Variants in DLG2 observed in about 807,000 individuals in gnomAD.
The protein encoded by DLG2 is discs large MAGUK scaffold protein 2, also known as disks large homolog 2.
A neutral mutation model predicts 132.5 loss-of-function variants in DLG2; 45 were observed. The observed-to-expected ratio is 0.34, with a 90% CI of 0.27 to 0.44. DLG2 has a LOEUF of 0.44. Ranked by LOEUF, DLG2 falls within the 20% of genes least tolerant of loss-of-function variation. The pLI is 1.00. For synonymous variants in DLG2, 424 were observed against 419.6 expected (o/e 1.01, Z -0.13); for missense variants, 1,045 against 1,196.9 (o/e 0.87, Z 1.87).
intron 3 of DLG2, among the ~76,000 whole-genome samples, chr11:85,298,928 CA>C (rs1053589308): frequency 1.3e-5 from 2 of 151,332 alleles, no homozygotes; most frequent in Non-Finnish European, 3.0e-5. Context: ...GAGATTATTT[CA>C]AAAAAAATTT....
chr11:85,092,243 A>T (rs2068907209), intron 6 of DLG2, among the ~76,000 whole-genome samples: 1 of 152,164 alleles, frequency 6.6e-6, no homozygotes. Flanking sequence ...CAGATTACAA[A>T]AGTGGGCTTA....
chr11:85,357,565 T>G (rs962419633), intron 3 of DLG2, among the ~76,000 whole-genome samples: 1 of 141,172 alleles, frequency 7.1e-6, no homozygotes, highest in Non-Finnish European at 1.5e-5. Context: ...TGATCTAGTT[T>G]GCTGGCTTCC....
Position 85,538,065 on chromosome 11 carries a change from G to A in DLG2, c.40+60592C>T, listed in dbSNP as rs182229175. Among the ~76,000 whole-genome samples the A allele has an allele frequency of 1.4e-3, 207 of 151,982 alleles. 6 individuals are homozygous for A. Among genetic ancestry groups the A allele is most frequent in the African/African-American group, 4.7e-3 (195 of 41,266 alleles). On this transcript the variant is annotated intron_variant, in intron 3 of 27. Coordinates refer to ENST00000376104, the MANE Select transcript of DLG2 (RefSeq NM_001142699.3). ...CAGGAGGTGGAGCTTCCAGTGAGCC[G>A]AGATCGCGCCACTGCACTCCAGCCT...
chr11:84,752,903 A>G lies in DLG2; in HGVS notation c.358-218172T>C, dbSNP rs983390627. On this transcript the variant is annotated intron_variant, in intron 6 of 27. Coordinates refer to ENST00000376104, the MANE Select transcript of DLG2 (RefSeq NM_001142699.3). The stretch of plus-strand genomic sequence containing the variant: ...TCCCTACAAAGGACCTGAACTCATC[A>G]TTTTTTATGGCTGCATAGTATTCCA... 6.6e-5 allele frequency among the ~76,000 whole-genome samples: 10 copies of G among 151,350 alleles called. No homozygotes were observed. The South Asian group carries it at 2.1e-3, about 32-fold the overall frequency.
chr11:85,596,002 AAAT>A (rs2079729320), intron 3 of DLG2, among the ~76,000 whole-genome samples: 1 of 152,098 alleles, frequency 6.6e-6, no homozygotes, highest in Non-Finnish European at 1.5e-5. Context: ...CCTATAATCC[AAAT>A]ACTTTGGGAG....
chr11:84,703,034 T>C (rs1413065838), intron 6 of DLG2, among the ~76,000 whole-genome samples: 2 of 151,660 alleles, frequency 1.3e-5, no homozygotes, highest in Non-Finnish European at 1.5e-5. Flanking sequence ...TATAGTATTA[T>C]CAAAACAGGG....
intron 3 of DLG2, among the ~76,000 whole-genome samples, chr11:85,423,315 C>T (rs939400240): frequency 1.3e-5 from 2 of 152,168 alleles, no homozygotes; most frequent in African/African-American, 4.8e-5. Context: ...GATACCAGCA[C>T]CTTTTCCAGT....
intron 5 of DLG2, among the ~76,000 whole-genome samples, chr11:85,150,174 T>C (rs983021026): frequency 1.6e-4 from 25 of 151,682 alleles, no homozygotes; most frequent in Admixed American, 4.6e-4. Flanking sequence ...CACCTGCCAC[T>C]ATGCTCGGCT....
At chr11:83,583,456 G>A (rs1373355419) in intron 19 of DLG2, among the ~76,000 whole-genome samples, 2 of 152,270 alleles carry the variant, frequency 1.3e-5, no homozygotes, top group South Asian at 4.1e-4. Flanking sequence ...TCTGAGAAAT[G>A]GATTCTAGAC....
intron 6 of DLG2, among the ~76,000 whole-genome samples, chr11:84,979,866 G>A (rs1001080268): frequency 2.0e-5 from 3 of 151,784 alleles, no homozygotes; most frequent in Non-Finnish European, 2.9e-5. Context: ...GTTATTGGGT[G>A]CACATACAAG....
chr11:83,619,004 G>A (rs1304815724), intron 19 of DLG2, among the ~76,000 whole-genome samples: 2 of 152,096 alleles, frequency 1.3e-5, no homozygotes, highest in African/African-American at 4.8e-5. Context: ...ACCCCTGACA[G>A]CATCCTATGT....
At chr11:84,358,081 C>T (rs770594220) in intron 7 of DLG2, among the ~76,000 whole-genome samples, 7 of 151,962 alleles carry the variant, frequency 4.6e-5, no homozygotes, top group Non-Finnish European at 7.4e-5. Flanking sequence ...AAATCTGCTC[C>T]GTATAGTATC....
chr11:83,511,960 T>A (rs1296594088), intron 21 of DLG2, among the ~76,000 whole-genome samples: 1 of 152,132 alleles, frequency 6.6e-6, no homozygotes, highest in East Asian at 1.9e-4. Context: ...AACATGGCTA[T>A]AGTAAGCATA....
At chr11:84,066,172 C>T (rs753935321) in intron 10 of DLG2, among the ~76,000 whole-genome samples, 1 of 151,964 alleles carries the variant, frequency 6.6e-6, no homozygotes, top group Admixed American at 6.6e-5. Flanking sequence ...CTACGACATG[C>T]AATTCACCTA....
At chr11:83,838,685 T>C (rs930957381) in intron 16 of DLG2, among the ~76,000 whole-genome samples, 19 of 152,168 alleles carry the variant, frequency 1.2e-4, no homozygotes, top group African/African-American at 4.3e-4. Context: ...CTCCCAGTTT[T>C]GCTGTGAGGC....
At chr11:84,765,554 G>A (rs1310275201) in intron 6 of DLG2, among the ~76,000 whole-genome samples, 1 of 151,974 alleles carries the variant, frequency 6.6e-6, no homozygotes, top group African/African-American at 2.4e-5. Context: ...AGGATCTACT[G>A]TTGAGTAATT....
intron 3 of DLG2, among the ~76,000 whole-genome samples, chr11:85,311,669 A>C (rs1380878487): frequency 6.6e-6 from 1 of 152,106 alleles, no homozygotes; most frequent in African/African-American, 2.4e-5. Context: ...GATAACTTTT[A>C]TCTCTTAGAC....
chr11:85,064,184 CA>C (rs1286340796), intron 6 of DLG2, among the ~76,000 whole-genome samples: 1 of 151,742 alleles, frequency 6.6e-6, no homozygotes, highest in Non-Finnish European at 1.5e-5. Flanking sequence ...AGGATCTGTC[CA>C]GCCTGAATGT....
chr11:83,696,141 T>C (rs910549861), intron 18 of DLG2, among the ~76,000 whole-genome samples: 1 of 151,904 alleles, frequency 6.6e-6, no homozygotes, highest in Non-Finnish European at 1.5e-5. Context: ...GCTGGGAGCA[T>C]AGAGAACAGT....
Sources: allele counts gnomAD v4.1 joint callset (sites outside exome capture counted in the v4.1 genomes callset), GRCh38; gene constraint gnomAD v4.1.1; transcripts MANE v1.5; gene names NCBI Gene and HGNC (gene_info 2026-07-23, HGNC 2026-07-21).